The following YTHDC2 variants were observed in gnomAD, a reference collection of about 807,000 sequenced individuals.
YTHDC2 encodes YTH N6-methyladenosine RNA binding protein C2, also known as 3'-5' RNA helicase YTHDC2.
Under a neutral mutation model 174.9 loss-of-function variants are expected in YTHDC2, and 45 were observed. That is an observed-to-expected ratio of 0.26 (90% CI 0.20 to 0.33). YTHDC2 has a LOEUF of 0.33. Ranked by LOEUF, YTHDC2 falls within the 10% of genes least tolerant of loss-of-function variation. The probability of loss-of-function intolerance (pLI) is 1.00; values close to 1 mark genes in which losing one functional copy is unlikely to be tolerated. For synonymous variants in YTHDC2, 657 were observed against 574.5 expected, an observed-to-expected ratio of 1.14 and a Z score of -2.05; for missense variants, 1,650 against 1,723.7, an observed-to-expected ratio of 0.96 and a Z score of 0.76.
chr5:113,542,204 T>G (rs1245373671), intron 9 of YTHDC2, among the ~76,000 whole-genome samples, 164 bp from the exon 10 acceptor site: 1 of 152,234 alleles, frequency 6.6e-6, no homozygotes, highest in African/African-American at 2.4e-5. Flanking sequence ...TACTGTATTG[T>G]GAGTGATAAT....
chr5:113,521,081 A>G (rs186941577), intron 2 of YTHDC2, among the ~76,000 whole-genome samples: 1 of 152,326 alleles, frequency 6.6e-6, no homozygotes, highest in African/African-American at 2.4e-5. Flanking sequence ...TGTTCCTGCA[A>G]AGGACATGGT....
At chr5:113,578,729 G>T (rs17331844) in intron 23 of YTHDC2, among the ~76,000 whole-genome samples, 24,082 of 152,014 alleles carry the variant, frequency 0.16, 2,060 homozygotes, top group Non-Finnish European at 0.2. Flanking sequence ...TACAGGAATG[G>T]TCATTATTTG....
intron 26 of YTHDC2, among the ~76,000 whole-genome samples, chr5:113,590,607 G>A (rs1778955357): frequency 6.6e-6 from 1 of 152,190 alleles, no homozygotes; most frequent in African/African-American, 2.4e-5. Context: ...ACATTGCCAT[G>A]CACAGTAGCC....
In YTHDC2 at chr5:113,567,824, T is replaced by G; in HGVS notation, c.3219T>G (p.Ala1073=). The part of the protein sequence containing the change: ...FCGPARLASN[A]LQEPSSFRVD... ...GACCAGCTAGATTGGCAAGTAATGC[T>G]CTTCAGGAACCTTCATCCTTTAGAG... is the stretch of plus-strand genomic sequence containing the variant. The change falls in exon 23 of 30, where the codon GCT becomes GCG. Residue 1073 remains alanine, a synonymous_variant. Transcript: ENST00000161863. 6.3e-7 allele frequency: 1 copy of G among 1,578,232 alleles called. No individual in the cohort carries two copies. The highest frequency in any genetic ancestry group is 1.4e-5 in the African/African-American group (1 of 73,808).
At position 113,556,985 on chromosome 5, in the gene YTHDC2, T is replaced by C. The variant is rs113797703; in HGVS notation, c.2216+851T>C. ...AAATGTAGATCTGTGTGTTCTTATA[T>C]GGAATGAGTTTTCAGGATGCATTGT... On this transcript the variant is annotated intron_variant, in intron 17 of 29. Coordinates refer to ENST00000161863, the MANE Select transcript of YTHDC2 (RefSeq NM_022828.5). 1.0e-3 allele frequency among the ~76,000 whole-genome samples: 154 copies of C among 152,172 alleles called. 4 individuals are homozygous for C. The highest frequency in any genetic ancestry group is 3.5e-3 in the African/African-American group (145 of 41,500).
At chr5:113,586,888 A>T (rs1024997025) in intron 26 of YTHDC2, among the ~76,000 whole-genome samples, 13 of 132,110 alleles carry the variant, frequency 9.8e-5, no homozygotes, top group South Asian at 2.2e-4. Flanking sequence ...TATATATATA[A>T]TATATAAATA....
chr5:113,560,467 G>A (rs1289151626), intron 17 of YTHDC2, among the ~76,000 whole-genome samples: 1 of 152,120 alleles, frequency 6.6e-6, no homozygotes, highest in East Asian at 1.9e-4. Flanking sequence ...CTTATAATGT[G>A]TTATAGTGAT....
chr5:113,579,131 T>C (rs1399968235), intron 23 of YTHDC2, among the ~76,000 whole-genome samples: 4 of 151,996 alleles, frequency 2.6e-5, no homozygotes, highest in Non-Finnish European at 5.9e-5. Context: ...TAATTTTCTA[T>C]TTTCTTCTAC....
Position 113,591,244 on chromosome 5 carries a change from G to A in YTHDC2, c.4029G>A (p.Gln1343=). The change falls in exon 27 of 30, where the codon CAG becomes CAA. Residue 1343 remains glutamine (Q), a splice_region_variant and synonymous_variant. Coordinates refer to ENST00000161863, the MANE Select transcript of YTHDC2 (RefSeq NM_022828.5). ...VFSVQGSGHF[Q]GFSRMSSEIG... ...CTGTTCAAGGATCTGGACATTTCCA[G>A]GTGAGCCACCCTGAATCAGTAAAAT... 1 of 1,613,692 alleles carries A rather than the reference G, an allele frequency of 6.2e-7. No homozygotes were observed. Among genetic ancestry groups the A allele is most frequent in the East Asian group, 2.2e-5 (1 of 44,860 alleles).
Position 113,584,331 on chromosome 5 carries a change from T to A in YTHDC2, c.3677T>A (p.Leu1226Ter). Residue 1226 changes from leucine to a stop codon, truncating the protein, a stop_gained, in exon 26 of 30, where the codon TTA becomes TAA. Coordinates refer to ENST00000161863, the MANE Select transcript of YTHDC2 (RefSeq NM_022828.5). LOFTEE classifies it high-confidence loss of function. ...CTGATGAAATCTCCATCTCCAGCAT[T>A]ACACCCACCTCAGAAGTACAAAGAT... ...RVLMKSPSPA[L>*]HPPQKYKDRG... 6.2e-7 allele frequency: 1 copy of A among 1,613,424 alleles called. No homozygotes were observed. Among genetic ancestry groups the A allele is most frequent in the Admixed American group, 1.7e-5 (1 of 59,952 alleles).
At chr5:113,527,014 T>C (rs1446101002) in intron 4 of YTHDC2, among the ~76,000 whole-genome samples, 1 of 152,028 alleles carries the variant, frequency 6.6e-6, no homozygotes, top group East Asian at 1.9e-4. Flanking sequence ...TTACTTATTT[T>C]TAAACTAGTG....
intron 23 of YTHDC2, among the ~76,000 whole-genome samples, chr5:113,572,804 G>A (rs999679706): frequency 2.0e-5 from 3 of 152,058 alleles, no homozygotes; most frequent in Admixed American, 1.3e-4. Flanking sequence ...TTTTCCATTT[G>A]CTTGGTAAAT....
At position 113,553,819 on chromosome 5, in the gene YTHDC2, G is replaced by C. The variant is rs758675361; in HGVS notation, c.2017G>C (p.Val673Leu). The C allele has an allele frequency of 6.2e-7, 1 of 1,612,214 alleles. No individual in the cohort carries two copies. Among genetic ancestry groups the C allele is most frequent in the Admixed American group, 1.7e-5 (1 of 59,672 alleles). The change falls in exon 15 of 30, where the codon GTA becomes CTA. Residue 673 changes from valine (V) to leucine (L), a missense_variant. Coordinates refer to ENST00000161863, the MANE Select transcript of YTHDC2 (RefSeq NM_022828.5). Reference protein sequence around the residue: ...SNMQTSDQKKVLKNPPAGVRK... With the variant: ...SNMQTSDQKKLLKNPPAGVRK... The stretch of plus-strand genomic sequence containing the variant: ...TATGCAAACATCCGATCAAAAGAAA[G>C]TATTAAAAAACCCACCTGCAGGTGT...
At chr5:113,571,335 A>C (rs2112752409) in intron 23 of YTHDC2, among the ~76,000 whole-genome samples, 1 of 152,294 alleles carries the variant, frequency 6.6e-6, no homozygotes, top group East Asian at 1.9e-4. Context: ...AGCCAACTTG[A>C]TTGTGGTGGA....
intron 2 of YTHDC2, among the ~76,000 whole-genome samples, chr5:113,522,430 T>C (rs894220293): frequency 6.6e-6 from 1 of 152,136 alleles, no homozygotes; most frequent in African/African-American, 2.4e-5. Flanking sequence ...AATGCATCGG[T>C]TACTTTTATT....
chr5:113,574,220 G>C (rs748407790), intron 23 of YTHDC2, among the ~76,000 whole-genome samples: 15 of 152,170 alleles, frequency 9.9e-5, no homozygotes, highest in Non-Finnish European at 1.3e-4. Flanking sequence ...CCATAGGGCT[G>C]CTGCGGTTTG....
intron 10 of YTHDC2, among the ~76,000 whole-genome samples, chr5:113,543,943 T>G (rs1206896906): frequency 1.3e-5 from 2 of 152,224 alleles, no homozygotes; most frequent in Non-Finnish European, 2.9e-5. Flanking sequence ...GTTGTACCAT[T>G]TTCTCACGAT....
At chr5:113,543,875 C>G (rs1775653622) in intron 10 of YTHDC2, among the ~76,000 whole-genome samples, 1 of 152,216 alleles carries the variant, frequency 6.6e-6, no homozygotes, top group Non-Finnish European at 1.5e-5. Context: ...GGCCCAATGC[C>G]TACTTATTTA....
chr5:113,581,492 C>G lies in YTHDC2; in HGVS notation c.3430C>G (p.Pro1144Ala). The change falls in exon 25 of 30, where the codon CCT becomes GCT. Residue 1144 changes from proline (P) to alanine (A), a missense_variant. By Grantham distance (27) the Pro-to-Ala change is conservative. Transcript: ENST00000161863. ...FLRRMRAPSK[P>A]WSQVDEATIR... ...ACGCCGAATGAGAGCTCCATCTAAA[C>G]CTTGGTCTCAAGTTGATGAAGCTAC... 2 of 1,613,956 alleles carry G rather than the reference C, an allele frequency of 1.2e-6. No homozygotes were observed. Among genetic ancestry groups the G allele is most frequent in the Non-Finnish European group, 1.7e-6 (2 of 1,179,910 alleles).
Sources: allele counts gnomAD v4.1 joint callset (sites outside exome capture counted in the v4.1 genomes callset), GRCh38; gene constraint gnomAD v4.1.1; transcripts MANE v1.5; gene names NCBI Gene and HGNC (gene_info 2026-07-23, HGNC 2026-07-21).